PCGF5: variants seen among roughly 807,000 people sequenced by gnomAD.
PCGF5 encodes polycomb group RING finger protein 5.
Under a neutral mutation model 44.3 loss-of-function variants are expected in PCGF5, and 9 were observed. The observed-to-expected ratio is 0.20, with a 90% CI of 0.12 to 0.35. The LOEUF is 0.35. PCGF5 is among the 10% of genes least tolerant of loss of function. The pLI is 1.00. For synonymous variants in PCGF5, 95 were observed against 102.5 expected, an observed-to-expected ratio of 0.93 and a Z score of 0.44; for missense variants, 146 against 305.3, an observed-to-expected ratio of 0.48 and a Z score of 3.89.
At chr10:91,264,207 G>T (rs1845993893) in intron 7 of PCGF5, among the ~76,000 whole-genome samples, 1 of 151,928 alleles carries the variant, frequency 6.6e-6, no homozygotes, top group East Asian at 1.9e-4. Context: ...CAGGTATATG[G>T]GACAAGATAA....
At chr10:91,218,547 T>A (rs1268301405), upstream of PCGF5, among the ~76,000 whole-genome samples, 1 of 152,162 alleles carries the variant, frequency 6.6e-6, no homozygotes, top group African/African-American at 2.4e-5. Context: ...GTCCCATGTT[T>A]TAATACTTAC....
intron 2 of PCGF5, among the ~76,000 whole-genome samples, chr10:91,233,717 C>G (rs1219391696): frequency 6.6e-6 from 1 of 152,190 alleles, no homozygotes; most frequent in Non-Finnish European, 1.5e-5. Context: ...TTGAACATGA[C>G]CACAGTTTAC....
chr10:91,272,478 AATT>A (rs1397347929), intron 9 of PCGF5, among the ~76,000 whole-genome samples: 1 of 146,534 alleles, frequency 6.8e-6, no homozygotes, highest in African/African-American at 2.7e-5. Context: ...GACAAAAAAA[AATT>A]ATTTTTTTAG....
chr10:91,264,382 T>C (rs373529611), intron 7 of PCGF5, 49 bp from the exon 8 acceptor site: 83 of 1,423,018 alleles, frequency 5.8e-5, no homozygotes, highest in African/African-American at 4.2e-4. Context: ...TGCAAAATAC[T>C]TTTGAATTCA....
At chr10:91,203,671 A>G (rs1490259070) in intron 1 of PCGF5, among the ~76,000 whole-genome samples, 2 of 152,164 alleles carry the variant, frequency 1.3e-5, no homozygotes, top group East Asian at 1.9e-4. Flanking sequence ...TGAAAACTAC[A>G]TCCTGATAAA....
chr10:91,188,058 T>C (rs931820428), intron 1 of PCGF5, among the ~76,000 whole-genome samples: 1 of 152,188 alleles, frequency 6.6e-6, no homozygotes, highest in African/African-American at 2.4e-5. Flanking sequence ...ACATGTGCCA[T>C]GCTGGTGTGC....
At chr10:91,187,471 A>G (rs1947542040) in intron 1 of PCGF5, among the ~76,000 whole-genome samples, 1 of 152,130 alleles carries the variant, frequency 6.6e-6, no homozygotes, top group African/African-American at 2.4e-5. Context: ...GATGAGGTAG[A>G]GGTCGCTATC....
At chr10:91,201,530 A>G (rs1391405894) in intron 1 of PCGF5, among the ~76,000 whole-genome samples, 1 of 152,194 alleles carries the variant, frequency 6.6e-6, no homozygotes, top group Non-Finnish European at 1.5e-5. Flanking sequence ...TGTAAAAAAA[A>G]TACGTAAACA....
At chr10:91,158,393 C>A (rs1289457396), upstream of PCGF5, among the ~76,000 whole-genome samples, 3 of 152,202 alleles carry the variant, frequency 2.0e-5, no homozygotes, top group Non-Finnish European at 2.9e-5. Context: ...AGGATGACAA[C>A]TAGCTACGGC....
chr10:91,166,432 C>A (rs1225073901), intron 1 of PCGF5, among the ~76,000 whole-genome samples: 1 of 152,152 alleles, frequency 6.6e-6, no homozygotes, highest in Non-Finnish European at 1.5e-5. Context: ...TATCTCCTTT[C>A]CACATTGAAG....
At position 91,176,375 on chromosome 10, in the gene PCGF5, G is replaced by T. The variant is rs113812249; in HGVS notation, c.-184+13294G>T. ...CCTTCATTTCAAGTTTGGTGAATCT[G>T]ACAATTATGTGTCTTGGAGTTGCTC... is the stretch of plus-strand genomic sequence containing the variant. On this transcript the variant is annotated intron_variant, in intron 1 of 9. Coordinates refer to the PCGF5 transcript ENST00000614189. 4.6e-4 allele frequency among the ~76,000 whole-genome samples: 70 copies of T among 152,242 alleles called. 1 individual carries two copies. Among genetic ancestry groups the T allele is most frequent in the Non-Finnish European group, 3.7e-4 (25 of 68,034 alleles).
intron 2 of PCGF5, among the ~76,000 whole-genome samples, chr10:91,229,582 TTTC>T (rs1358181237): frequency 6.6e-6 from 1 of 152,196 alleles, no homozygotes; most frequent in Admixed American, 6.5e-5. Context: ...TAATTTTATT[TTTC>T]TTTTTTCTGC....
At position 91,238,601 on chromosome 10, in the gene PCGF5, C is replaced by CTTTTTTTTT. The variant is rs71487496; in HGVS notation, c.113-1861_113-1853dup. 4.0e-3 allele frequency among the ~76,000 whole-genome samples: 232 copies of CTTTTTTTTT among 58,518 alleles called. 12 individuals carry two copies. The highest frequency in any genetic ancestry group is 7.7e-3 in the East Asian group (15 of 1,950). 38.4% of individuals were successfully genotyped at this position (58,518 alleles called of 152,430 possible). ...CTCTCATTTCTTTCTTTCTTTCTTT[C>CTTTTTTTTT]TTTTTTTTTTTTTTTTTTTTTTTTT... On this transcript the variant is annotated intron_variant, in intron 2 of 9. Coordinates refer to ENST00000336126, the MANE Select transcript of PCGF5 (RefSeq NM_032373.5).
At chr10:91,199,433 G>T (rs1844205504) in intron 1 of PCGF5, among the ~76,000 whole-genome samples, 1 of 152,180 alleles carries the variant, frequency 6.6e-6, no homozygotes, top group Non-Finnish European at 1.5e-5. Context: ...TTATACTCCA[G>T]CATCCCTCAG....
intron 1 of PCGF5, among the ~76,000 whole-genome samples, chr10:91,197,194 C>T (rs1439933960): frequency 6.6e-6 from 1 of 152,144 alleles, no homozygotes; most frequent in Non-Finnish European, 1.5e-5. Flanking sequence ...TGGTCAGCAG[C>T]GTAGCCTGTC....
intron 1 of PCGF5, among the ~76,000 whole-genome samples, chr10:91,170,458 C>T (rs887220248): frequency 6.6e-6 from 1 of 152,206 alleles, no homozygotes; most frequent in Non-Finnish European, 1.5e-5. Flanking sequence ...AAGACCTTAA[C>T]AGACACCTCA....
At chr10:91,215,949 A>G (rs972810379), upstream of PCGF5, among the ~76,000 whole-genome samples, 1 of 152,256 alleles carries the variant, frequency 6.6e-6, no homozygotes, top group African/African-American at 2.4e-5. Flanking sequence ...CATCCTTTGT[A>G]AGGATCCCTT....
chr10:91,171,517 C>A (rs946634222), intron 1 of PCGF5, among the ~76,000 whole-genome samples: 2 of 152,098 alleles, frequency 1.3e-5, no homozygotes, highest in Non-Finnish European at 2.9e-5. Flanking sequence ...TCCAGCAATG[C>A]TCAGAAAATT....
chr10:91,157,754 G>C, the PCGF5 span, among the ~76,000 whole-genome samples: 1 of 152,186 alleles, frequency 6.6e-6, no homozygotes, highest in African/African-American at 2.4e-5. Context: ...TGTGTTTTAA[G>C]GACACATGAT....
Sources: allele counts gnomAD v4.1 joint callset (sites outside exome capture counted in the v4.1 genomes callset), GRCh38; gene constraint gnomAD v4.1.1; transcripts MANE v1.5; gene names NCBI Gene and HGNC (gene_info 2026-07-23, HGNC 2026-07-21).